Variants in CRYL1 observed in about 807,000 individuals in gnomAD.
CRYL1 encodes crystallin lambda 1.
A neutral mutation model predicts 36.6 loss-of-function variants in CRYL1; 29 were observed. The ratio of observed to expected loss-of-function variants is 0.79; its 90% CI spans 0.59 to 1.08. CRYL1 has a LOEUF of 1.08. Ranked by LOEUF, CRYL1 falls within the 50% of genes least tolerant of loss-of-function variation. The pLI, the probability that CRYL1 is intolerant of heterozygous loss-of-function variation, is 0.00. For missense variants in CRYL1, 411 were observed against 407.9 expected (o/e 1.01, Z -0.06); for synonymous variants, 152 against 151.5 (o/e 1.00, Z -0.02).
chr13:20,489,130 T>A (rs180819852), intron 3 of CRYL1, among the ~76,000 whole-genome samples: 1 of 152,362 alleles, frequency 6.6e-6, no homozygotes. Flanking sequence ...GAATCCCTAG[T>A]GGCCTCACGG....
At position 20,439,167 on chromosome 13, in the gene CRYL1, G is replaced by A. The variant is rs7986811; in HGVS notation, c.438+426C>T. ...GTTGAGTAAACTACACAGTGCAAGT[G>A]ACGTATCTATACAATCCTACCCAAT... On this transcript the variant is annotated intron_variant, in intron 4 of 7. Transcript: ENST00000298248. Among the ~76,000 whole-genome samples the A allele has an allele frequency of 0.19, 29,066 of 152,064 alleles. 2,997 individuals are homozygous for A. Among genetic ancestry groups the A allele is most frequent in the East Asian group, 0.35 (1,817 of 5,168 alleles).
chr13:20,439,768 G>A lies in CRYL1; in HGVS notation c.277-14C>T, dbSNP rs757760012. The A allele has an allele frequency of 5.0e-5, 80 of 1,612,924 alleles. No homozygotes were observed. In the South Asian group the frequency reaches 6.3e-4, roughly 13 times the overall value. ...TGGAACACATTCCTGAAAAGGACAC[G>A]TTTAAATGACTATTCATGACCACTC... On this transcript the variant is annotated splice_polypyrimidine_tract_variant and intron_variant, in intron 3 of 7. Transcript: ENST00000298248.
intron 2 of CRYL1, among the ~76,000 whole-genome samples, chr13:20,507,364 T>C (rs1182942032): frequency 1.3e-5 from 2 of 152,218 alleles, no homozygotes; most frequent in African/African-American, 4.8e-5. Context: ...GCTTTTACTT[T>C]ACAACGAACG....
chr13:20,508,862 A>AC, intron 2 of CRYL1, among the ~76,000 whole-genome samples: 1 of 54,598 alleles, frequency 1.8e-5, no homozygotes, highest in African/African-American at 7.1e-5. Flanking sequence ...AAAAAAAAAA[A>AC]AAAAAAAAAA....
chr13:20,432,260 C>G lies in CRYL1; in HGVS notation c.475G>C (p.Val159Leu), dbSNP rs773163081. 1 of 1,613,152 alleles carries G rather than the reference C, an allele frequency of 6.2e-7. No homozygotes were observed. The highest frequency in any genetic ancestry group is 1.1e-5 in the South Asian group (1 of 91,036). Residue 159 changes from valine (V) to leucine (L), a missense_variant, in exon 5 of 8, where the codon GTC becomes CTC. Transcript: ENST00000298248. ...PPYYIPLVEL[V>L]PHPETAPTTV... ...GTAGGGGCCGTCTCCGGGTGGGGGA[C>G]CAGCTCAACCAGCGGGATGTAGTAT...
Position 20,484,052 on chromosome 13 carries a change from G to A in CRYL1, c.276+5318C>T, listed in dbSNP as rs60483954. On this transcript the variant is annotated intron_variant, in intron 3 of 7. Coordinates refer to ENST00000298248, the MANE Select transcript of CRYL1 (RefSeq NM_015974.3). ...AGGATGGTCTCCATCTCCTGACATC[G>A]TGATCTGCCCGCCTTGGCCTCCCAA... is the stretch of plus-strand genomic sequence containing the variant. Among the ~76,000 whole-genome samples the A allele has an allele frequency of 4.3e-4, 66 of 152,286 alleles. 1 individual carries two copies. The South Asian group carries it at 4.8e-3, about 11-fold the overall frequency.
rs374111951 is a variant in CRYL1 at position 20,424,954 on chromosome 13, C to T, written c.633+7148G>A. On this transcript the variant is annotated intron_variant, in intron 5 of 7. Transcript: ENST00000298248. Reference sequence around the variant, plus strand: ...GAACCCCTCCAGCTGAGGCATGGTGCGGAGGCCAGACTTGGCTGTTTCCTG... The same window carrying T: ...GAACCCCTCCAGCTGAGGCATGGTGTGGAGGCCAGACTTGGCTGTTTCCTG... Among the ~76,000 whole-genome samples the T allele has an allele frequency of 2.3e-4, 35 of 152,260 alleles. No homozygotes were observed. The East Asian group carries it at 2.3e-3, about 10-fold the overall frequency.
At chr13:20,484,563 T>C (rs2033357381) in intron 3 of CRYL1, among the ~76,000 whole-genome samples, 1 of 152,100 alleles carries the variant, frequency 6.6e-6, no homozygotes, top group Non-Finnish European at 1.5e-5. Flanking sequence ...TCCCAGCTAA[T>C]TGGGAGGCTG....
At chr13:20,471,611 A>G (rs919079304) in intron 3 of CRYL1, among the ~76,000 whole-genome samples, 1 of 152,016 alleles carries the variant, frequency 6.6e-6, no homozygotes, top group Non-Finnish European at 1.5e-5. Context: ...TCTCAAAAAA[A>G]AAAAGGAAAA....
chr13:20,419,983 A>G (rs2031763023), intron 5 of CRYL1, among the ~76,000 whole-genome samples: 1 of 152,256 alleles, frequency 6.6e-6, no homozygotes, highest in East Asian at 1.9e-4. Context: ...GTCGAAAATA[A>G]AAGACTGCTA....
At chr13:20,456,646 C>G in intron 3 of CRYL1, among the ~76,000 whole-genome samples, 1 of 89,154 alleles carries the variant, frequency 1.1e-5, no homozygotes, top group Non-Finnish European at 2.5e-5. Context: ...ACAAAGACCA[C>G]GATTCTTAAA....
intron 6 of CRYL1, among the ~76,000 whole-genome samples, chr13:20,406,463 C>T (rs188967040): frequency 2.2e-4 from 33 of 152,238 alleles, no homozygotes; most frequent in Admixed American, 7.2e-4. Flanking sequence ...CTGAAATTAA[C>T]GGATGGGTAC....
chr13:20,405,084 A>G (rs1421482915), intron 6 of CRYL1, among the ~76,000 whole-genome samples: 4 of 152,202 alleles, frequency 2.6e-5, no homozygotes, highest in Non-Finnish European at 5.9e-5. Flanking sequence ...AGCCTAGCCA[A>G]CATGGTGAAA....
Position 20,460,151 on chromosome 13 carries a change from C to T in CRYL1, c.277-20397G>A, listed in dbSNP as rs1385566146. Among the ~76,000 whole-genome samples the T allele has an allele frequency of 1.3e-5, 2 of 152,146 alleles. 1 individual carries two copies. The highest frequency in any genetic ancestry group is 2.9e-5 in the Non-Finnish European group (2 of 68,036). ...ACCCCCATGGATGGATGTGCCAATA[C>T]TTAACCATTTCTTTATCTGCAGGCC... On this transcript the variant is annotated intron_variant, in intron 3 of 7. Transcript: ENST00000298248.
chr13:20,511,731 C>T (rs1371351720), intron 2 of CRYL1, among the ~76,000 whole-genome samples: 1 of 152,214 alleles, frequency 6.6e-6, no homozygotes, highest in African/African-American at 2.4e-5. Context: ...ACGCGCCATG[C>T]GGTGAGGGTG....
intron 2 of CRYL1, among the ~76,000 whole-genome samples, chr13:20,499,039 T>C (rs896322515): frequency 2.0e-5 from 3 of 152,198 alleles, no homozygotes; most frequent in Admixed American, 2.0e-4. Flanking sequence ...ATTAGGCTTA[T>C]GTGTTATGTT....
At chr13:20,474,874 C>T (rs554891841) in intron 3 of CRYL1, among the ~76,000 whole-genome samples, 1 of 152,144 alleles carries the variant, frequency 6.6e-6, no homozygotes, top group Non-Finnish European at 1.5e-5. Flanking sequence ...ACAATCTTGA[C>T]CTCCTCAACT....
Position 20,432,375 on chromosome 13 carries a change from G to A in CRYL1, c.439-79C>T, listed in dbSNP as rs1160131135. ...AACTGCACCCACCCTGAATGGTCAG[G>A]AGCAGCAGATGCATCTTTGGAATGG... On this transcript the variant is annotated intron_variant, in intron 4 of 7. Coordinates refer to ENST00000298248, the MANE Select transcript of CRYL1 (RefSeq NM_015974.3). The A allele has an allele frequency of 2.9e-6, 3 of 1,019,872 alleles. 1 individual carries two copies. Among genetic ancestry groups the A allele is most frequent in the Non-Finnish European group, 4.3e-6 (3 of 693,746 alleles). 63.2% of individuals were successfully genotyped at this position (1,019,872 alleles called of 1,614,324 possible).
At chr13:20,506,529 G>A (rs1262080003) in intron 2 of CRYL1, among the ~76,000 whole-genome samples, 2 of 151,182 alleles carry the variant, frequency 1.3e-5, no homozygotes, top group East Asian at 3.9e-4. Context: ...CTTTAACCTG[G>A]TTAAAAAAAA....
Sources: gnomAD v4.1 joint callset for allele counts (sites outside exome capture counted in the v4.1 genomes callset) on GRCh38, gnomAD v4.1.1 for gene constraint, MANE v1.5 for transcripts, NCBI Gene and HGNC (gene_info 2026-07-23, HGNC 2026-07-21) for gene names.